Variants in STARD13 observed in about 807,000 individuals in gnomAD.
STARD13 encodes the protein stAR-related lipid transfer protein 13.
A neutral mutation model predicts 106.4 loss-of-function variants in STARD13; 62 were observed. The ratio of observed to expected loss-of-function variants is 0.58; its 90% CI spans 0.48 to 0.72. STARD13 has a LOEUF of 0.72. STARD13 is among the 30% of genes least tolerant of loss of function. The pLI is 0.00. For synonymous variants in STARD13, 565 were observed against 553.0 expected, an observed-to-expected ratio of 1.02 and a Z score of -0.31; for missense variants, 1,387 against 1,424.0, an observed-to-expected ratio of 0.97 and a Z score of 0.42.
chr13:33,330,332 A>G (rs899856759), intron 1 of STARD13, among the ~76,000 whole-genome samples: 2 of 152,188 alleles, frequency 1.3e-5, no homozygotes, highest in Admixed American at 6.5e-5. Flanking sequence ...ACCTGCATTT[A>G]CCTGATAATT....
At chr13:33,122,564 G>A (rs488402) in intron 7 of STARD13, among the ~76,000 whole-genome samples, 45,897 of 151,924 alleles carry the variant, frequency 0.3, 8,043 homozygotes, top group Non-Finnish European at 0.41. Flanking sequence ...GTCATCTACT[G>A]TTAAAGCTCA....
chr13:33,519,308 T>C, the STARD13 span, among the ~76,000 whole-genome samples: 2 of 101,186 alleles, frequency 2.0e-5, no homozygotes, highest in Non-Finnish European at 3.8e-5. Context: ...TCTCTCTTTC[T>C]TTCTCTCTCT....
the STARD13 span, among the ~76,000 whole-genome samples, chr13:33,363,429 G>A: frequency 7.3e-4 from 111 of 152,356 alleles, no homozygotes; most frequent in African/African-American, 2.5e-3. Flanking sequence ...CCAATGGGGT[G>A]AGAATTATCA....
intron 1 of STARD13, chr13:33,350,166 C>T: frequency 1.6e-6 from 2 of 1,273,116 alleles, no homozygotes; most frequent in East Asian, 3.2e-5. Flanking sequence ...CCCGCTCGCC[C>T]CGGCCTTGGG....
chr13:33,358,022 G>A, the STARD13 span, among the ~76,000 whole-genome samples: 153 of 152,340 alleles, frequency 1.0e-3, no homozygotes, highest in South Asian at 2.1e-3. Flanking sequence ...CGGCGCTTGC[G>A]GGCCAGCTGG....
chr13:33,329,704 CTT>C (rs1270014763), intron 1 of STARD13, among the ~76,000 whole-genome samples: 19 of 126,280 alleles, frequency 1.5e-4, no homozygotes, highest in East Asian at 2.3e-4. Context: ...CACTTTCTTT[CTT>C]TTTTTTTTTT....
In STARD13 at chr13:33,126,151, C is replaced by A. The variant is rs1368457030; in HGVS notation, c.2012G>T (p.Arg671Ile). ...FGVPLIVHVQ[R>I]TGQPLPQSIQ... is the part of the protein sequence containing the mutation. ...ACTTTGAGGCAGGGGCTGTCCCGTT[C>A]TTTGGACGTGGACTATGAGAGGAAC... Residue 671 changes from arginine (R) to isoleucine (I), a missense_variant, in exon 7 of 14, where the codon AGA (arginine) becomes ATA (isoleucine). Arg to Ile is a moderately conservative substitution (Grantham distance 97). Coordinates refer to ENST00000336934, the MANE Select transcript of STARD13 (RefSeq NM_178006.4). The A allele has an allele frequency of 6.2e-7, 1 of 1,614,160 alleles. No individual in the cohort carries two copies. Among genetic ancestry groups the A allele is most frequent in the East Asian group, 2.2e-5 (1 of 44,888 alleles).
chr13:33,633,966 T>C, the STARD13 span, among the ~76,000 whole-genome samples: 1 of 152,242 alleles, frequency 6.6e-6, no homozygotes, highest in African/African-American at 2.4e-5. Flanking sequence ...CATTTGTTTT[T>C]ATCTTTCAGT....
chr13:33,332,186 C>T (rs1485532351), intron 1 of STARD13, among the ~76,000 whole-genome samples: 1 of 152,194 alleles, frequency 6.6e-6, no homozygotes, highest in African/African-American at 2.4e-5. Context: ...CCCACCTCCC[C>T]ACCTATCCAC....
At chr13:33,340,339 A>T (rs79395847) in intron 1 of STARD13, among the ~76,000 whole-genome samples, 245 of 152,230 alleles carry the variant, frequency 1.6e-3, no homozygotes, top group African/African-American at 5.8e-3. Context: ...AAGTAGGAGT[A>T]GCTAGGACAG....
chr13:33,414,047 A>C, the STARD13 span, among the ~76,000 whole-genome samples: 1 of 143,678 alleles, frequency 7.0e-6, no homozygotes, highest in African/African-American at 2.8e-5. Context: ...AAAAAAAAAA[A>C]AAAGAAAAGA....
chr13:33,154,216 G>A (rs17764067), intron 3 of STARD13, among the ~76,000 whole-genome samples: 26,621 of 152,180 alleles, frequency 0.17, 3,038 homozygotes, highest in South Asian at 0.25. Flanking sequence ...TCAGAAGTCA[G>A]AAGTCAGCAG....
chr13:33,302,989 T>G (rs1594239140), intron 1 of STARD13, among the ~76,000 whole-genome samples: 2 of 152,192 alleles, frequency 1.3e-5, no homozygotes, highest in South Asian at 4.1e-4. Context: ...TGTTGTCACC[T>G]TAAAAACCTT....
intron 1 of STARD13, chr13:33,206,045 T>C: frequency 1.0e-6 from 1 of 985,314 alleles, no homozygotes; most frequent in Non-Finnish European, 1.2e-6. Flanking sequence ...ATGGTGTGCC[T>C]GGTTTGAGGT....
chr13:33,497,326 A>T, the STARD13 span, among the ~76,000 whole-genome samples: 1 of 152,190 alleles, frequency 6.6e-6, no homozygotes, highest in South Asian at 2.1e-4. Flanking sequence ...TCTGAGTAAT[A>T]TTAGTCATCT....
chr13:33,225,763 AC>A (rs987882415), intron 1 of STARD13, among the ~76,000 whole-genome samples: 279 of 152,196 alleles, frequency 1.8e-3, no homozygotes, highest in African/African-American at 5.3e-3. Context: ...TAAAAAAAAA[AC>A]AACTCTTCGT....
chr13:33,657,056 T>C, the STARD13 span: 1 of 152,254 alleles, frequency 6.6e-6, no homozygotes, highest in East Asian at 1.9e-4. Flanking sequence ...GATCACGAGA[T>C]CAAGAGATCG....
the STARD13 span, among the ~76,000 whole-genome samples, chr13:33,462,792 G>A: frequency 1.3e-5 from 2 of 152,176 alleles, no homozygotes; most frequent in Non-Finnish European, 2.9e-5. Flanking sequence ...CTGATTGGAT[G>A]GTGCCCACCC....
At chr13:33,442,807 T>C in the STARD13 span, among the ~76,000 whole-genome samples, 3 of 152,192 alleles carry the variant, frequency 2.0e-5, no homozygotes, top group African/African-American at 7.2e-5. Context: ...AAAAAATGAA[T>C]ACATAACACC....
Sources: gnomAD v4.1 joint callset for allele counts (sites outside exome capture counted in the v4.1 genomes callset) on GRCh38, gnomAD v4.1.1 for gene constraint, MANE v1.5 for transcripts, NCBI Gene and HGNC (gene_info 2026-07-23, HGNC 2026-07-21) for gene names.